USH1C: variants seen among roughly 807,000 people sequenced by gnomAD.
The protein encoded by USH1C is harmonin.
Under a neutral mutation model 119.3 loss-of-function variants are expected in USH1C, and 90 were observed. The ratio of observed to expected loss-of-function variants is 0.75; its 90% CI spans 0.64 to 0.90. The LOEUF (loss-of-function observed/expected upper bound fraction) is 0.90. USH1C is among the 40% of genes least tolerant of loss of function. The probability of loss-of-function intolerance (pLI) is 0.00; values close to 1 mark genes in which losing one functional copy is unlikely to be tolerated. For missense variants in USH1C, 1,165 were observed against 1,167.7 expected (o/e 1.00, Z 0.03); for synonymous variants, 465 against 443.3 (o/e 1.05, Z -0.62).
intron 18 of USH1C, 79 bp from the exon 19 acceptor site, chr11:17,506,028 T>C: frequency 1.2e-6 from 2 of 1,601,192 alleles, no homozygotes; most frequent in Non-Finnish European, 1.7e-6. Context: ...TCTACACACA[T>C]GCAAATCTAC....
chr11:17,522,467 CT>C (rs1210469143), intron 12 of USH1C, among the ~76,000 whole-genome samples: 1 of 152,208 alleles, frequency 6.6e-6, no homozygotes, highest in Admixed American at 6.5e-5. Flanking sequence ...CAACACCAGC[CT>C]TATGGAGGTA....
chr11:17,541,714 C>T lies in USH1C; in HGVS notation c.36+2558G>A, dbSNP rs113288046. ...AGGGTATGCAAGTGCTCCTGGCGGC[C>T]TTGGGGTAACTTCACAAATCAAAGG... On this transcript the variant is annotated intron_variant, in intron 1 of 26. Coordinates refer to ENST00000005226, the MANE Select transcript of USH1C (RefSeq NM_153676.4). Among the ~76,000 whole-genome samples, 987 of 152,318 alleles carry T rather than the reference C, an allele frequency of 6.5e-3. 11 individuals carry two copies. Among genetic ancestry groups the T allele is most frequent in the African/African-American group, 0.023 (940 of 41,560 alleles).
intron 1 of USH1C, 47 bp from the exon 2 acceptor site, chr11:17,533,369 C>CT: frequency 1.4e-6 from 2 of 1,380,778 alleles, no homozygotes; most frequent in East Asian, 2.3e-5. Flanking sequence ...CAGCACCCGC[C>CT]CCCATAGCAG....
intron 7 of USH1C, 138 bp downstream of exon 7, chr11:17,526,615 G>A: frequency 8.7e-7 from 1 of 1,155,268 alleles, no homozygotes; most frequent in South Asian, 1.3e-5. Context: ...CTGCCCCACA[G>A]CGGTGTGCTG....
chr11:17,537,758 G>T (rs1450875031), intron 1 of USH1C, among the ~76,000 whole-genome samples: 1 of 152,100 alleles, frequency 6.6e-6, no homozygotes, highest in Admixed American at 6.5e-5. Context: ...TTTCTGTCTG[G>T]CTCACTTATC....
intron 2 of USH1C, 126 bp downstream of exon 2, chr11:17,533,129 A>T (rs984423136): frequency 1.3e-6 from 1 of 789,732 alleles, no homozygotes; most frequent in Admixed American, 1.7e-5. Flanking sequence ...TGGTATGTCC[A>T]TTTGATTTCC....
intron 15 of USH1C, among the ~76,000 whole-genome samples, chr11:17,513,721 A>C (rs951771685): frequency 6.6e-6 from 1 of 152,160 alleles, no homozygotes; most frequent in Non-Finnish European, 1.5e-5. Flanking sequence ...GCAATTTCCC[A>C]AGAGGAGCCA....
At chr11:17,516,557 T>G (rs988561920) in intron 14 of USH1C, 1 of 504,300 alleles carries the variant, frequency 2.0e-6, no homozygotes, top group African/African-American at 1.9e-5. Flanking sequence ...AACACTGGTT[T>G]CAGAAGTCAG....
intron 20 of USH1C, 141 bp from the exon 21 acceptor site, chr11:17,502,121 T>C: frequency 2.6e-6 from 2 of 783,592 alleles, no homozygotes; most frequent in Non-Finnish European, 4.1e-6. Context: ...GGGTACGGGA[T>C]GCAGACAGGA....
chr11:17,504,801 C>T (rs1849586459), intron 19 of USH1C, 104 bp from the exon 20 acceptor site: 1 of 1,175,778 alleles, frequency 8.5e-7, no homozygotes, highest in Non-Finnish European at 1.3e-6. Flanking sequence ...GCTGCCGTGC[C>T]AATGTCCCTC....
intron 19 of USH1C, among the ~76,000 whole-genome samples, chr11:17,505,538 A>C (rs1849615896): frequency 6.6e-6 from 1 of 152,254 alleles, no homozygotes; most frequent in South Asian, 2.1e-4. Context: ...AATTGAGGCC[A>C]TGCAGAGCCT....
chr11:17,531,328 G>A lies in USH1C; in HGVS notation c.249-36C>T. On this transcript the variant is annotated intron_variant, in intron 3 of 26. Transcript: ENST00000005226. The surrounding 1 kb of genome is among the most constrained non-coding windows in gnomAD (Gnocchi z 4.2). ...GGAGAGGTCGGTGATGGTGCAGCTT[G>A]GCTGCCAGCACTGCCCCGCCCAGGG... 1 of 1,614,058 alleles carries A rather than the reference G, an allele frequency of 6.2e-7. No homozygotes were observed. Among genetic ancestry groups the A allele is most frequent in the Non-Finnish European group, 8.5e-7 (1 of 1,180,010 alleles).
chr11:17,539,077 A>G (rs1851343107), intron 1 of USH1C, among the ~76,000 whole-genome samples: 1 of 152,122 alleles, frequency 6.6e-6, no homozygotes, highest in Non-Finnish European at 1.5e-5. Context: ...GCCATTAGCA[A>G]TGGTGGTACC....
At chr11:17,532,923 G>A (rs900934786) in intron 2 of USH1C, among the ~76,000 whole-genome samples, 2 of 152,180 alleles carry the variant, frequency 1.3e-5, no homozygotes, top group East Asian at 3.9e-4. Context: ...TGCAAGGGCT[G>A]TGGCCAGCTG....
intron 8 of USH1C, among the ~76,000 whole-genome samples, chr11:17,525,484 T>C (rs973027209): frequency 6.6e-6 from 1 of 152,218 alleles, no homozygotes; most frequent in Non-Finnish European, 1.5e-5. Context: ...CACTTTACTT[T>C]CTCCACAACC....
At chr11:17,505,693 TAAG>T (rs1267638015) in intron 19 of USH1C, 134 bp downstream of exon 19, 1 of 1,307,782 alleles carries the variant, frequency 7.6e-7, no homozygotes, top group Non-Finnish European at 1.1e-6. Context: ...TCTTGGCCAA[TAAG>T]AAGGTTAAGA....
At chr11:17,532,321 A>T (rs1398807780) in intron 2 of USH1C, among the ~76,000 whole-genome samples, 1 of 152,134 alleles carries the variant, frequency 6.6e-6, no homozygotes, top group Non-Finnish European at 1.5e-5. Context: ...TTTTTGAGAC[A>T]GGGTCTTGCT....
At chr11:17,510,316 G>T (rs1849831181) in intron 17 of USH1C, 89 bp downstream of exon 17, 1 of 1,077,052 alleles carries the variant, frequency 9.3e-7, no homozygotes, top group Non-Finnish European at 1.4e-6. Context: ...AGTGACGTTT[G>T]CTAGTTGTCA....
chr11:17,542,788 A>C (rs1353416625), intron 1 of USH1C, among the ~76,000 whole-genome samples: 1 of 152,214 alleles, frequency 6.6e-6, no homozygotes, highest in South Asian at 2.1e-4. Flanking sequence ...CTACACTCAC[A>C]AAATGTCCTT....
Sources: gnomAD v4.1 joint callset for allele counts (sites outside exome capture counted in the v4.1 genomes callset) on GRCh38, gnomAD v4.1.1 for gene constraint, Gnocchi (gnomAD v3.1) non-coding constraint, MANE v1.5 for transcripts, NCBI Gene and HGNC (gene_info 2026-07-23, HGNC 2026-07-21) for gene names.